EYS: variants seen among roughly 807,000 people sequenced by gnomAD.
The protein encoded by EYS is EGF-like photoreceptor maintenance factor, also known as protein eyes shut homolog.
In EYS, 250 loss-of-function variants were observed where a neutral mutation model predicts 282.1. That is an observed-to-expected ratio of 0.89 (90% confidence interval 0.80 to 0.98). The LOEUF (loss-of-function observed/expected upper bound fraction) is 0.98. EYS is among the 50% of genes least tolerant of loss of function. The probability of loss-of-function intolerance (pLI) is 0.00; values close to 1 mark genes in which losing one functional copy is unlikely to be tolerated. For synonymous variants in EYS, 1,355 were observed against 1,282.9 expected (o/e 1.06, Z -1.20); for missense variants, 4,016 against 3,709.0 (o/e 1.08, Z -2.15).
At chr6:64,985,152 G>A (rs1025830601) in intron 14 of EYS, among the ~76,000 whole-genome samples, 1 of 151,430 alleles carries the variant, frequency 6.6e-6, no homozygotes, top group Non-Finnish European at 1.5e-5. Context: ...TGTCATCCCT[G>A]AAAACAAAAG....
chr6:64,190,347 A>T lies in EYS; in HGVS notation c.6424+40245T>A, dbSNP rs117109382. ...TTTGAGCTTCAGAAAGGAAGTTCAG[A>T]TACTGTCTAACAGAAGTCACCACCA... is the stretch of plus-strand genomic sequence containing the variant. On this transcript the variant is annotated intron_variant, in intron 31 of 42. Transcript: ENST00000503581. Among the ~76,000 whole-genome samples, 166 of 152,334 alleles carry T rather than the reference A, an allele frequency of 1.1e-3. 5 individuals carry two copies. In the East Asian group the frequency reaches 0.028, roughly 26 times the overall value.
intron 26 of EYS, among the ~76,000 whole-genome samples, chr6:64,535,150 G>C (rs1764480301): frequency 6.6e-6 from 1 of 151,882 alleles, no homozygotes; most frequent in East Asian, 1.9e-4. Context: ...CCCTTTCTTT[G>C]CACTCTAAAC....
chr6:65,646,515 G>A (rs937466207), intron 1 of EYS, among the ~76,000 whole-genome samples: 1 of 151,996 alleles, frequency 6.6e-6, no homozygotes, highest in African/African-American at 2.4e-5. Flanking sequence ...GAATAGAAGG[G>A]ACATACCTTA....
At chr6:65,344,321 T>C in intron 9 of EYS, 144 bp from the exon 10 acceptor site, 1 of 688,406 alleles carries the variant, frequency 1.5e-6, no homozygotes, top group Non-Finnish European at 2.5e-6. Flanking sequence ...GCATATGATA[T>C]TGAATTTGAA....
At chr6:64,123,754 A>G (rs1773671135) in intron 31 of EYS, among the ~76,000 whole-genome samples, 1 of 152,234 alleles carries the variant, frequency 6.6e-6, no homozygotes, top group East Asian at 1.9e-4. Context: ...AGAAACAAAC[A>G]ACGAGATATA....
intron 30 of EYS, among the ~76,000 whole-genome samples, chr6:64,304,356 GC>G (rs1156967842): frequency 1.3e-5 from 2 of 152,132 alleles, no homozygotes; most frequent in Non-Finnish European, 2.9e-5. Context: ...GAATTAAATA[GC>G]CACTCTCAAT....
At chr6:65,468,451 T>C (rs1159545339) in intron 5 of EYS, among the ~76,000 whole-genome samples, 1 of 152,154 alleles carries the variant, frequency 6.6e-6, no homozygotes, top group Non-Finnish European at 1.5e-5. Context: ...TGCTTCAGGA[T>C]GGACTTACAA....
chr6:64,294,469 G>A (rs1582548695), intron 30 of EYS, among the ~76,000 whole-genome samples: 1 of 152,182 alleles, frequency 6.6e-6, no homozygotes, highest in Admixed American at 6.6e-5. Context: ...CAGAACCTCA[G>A]TGATATAATT....
chr6:65,541,500 CAAT>C (rs1475340303), intron 2 of EYS, among the ~76,000 whole-genome samples: 11 of 152,258 alleles, frequency 7.2e-5, no homozygotes, highest in African/African-American at 2.4e-4. Context: ...AAAATCACAA[CAAT>C]GTTATCCATT....
At chr6:65,540,989 T>G (rs1369046855) in intron 2 of EYS, among the ~76,000 whole-genome samples, 1 of 152,220 alleles carries the variant, frequency 6.6e-6, no homozygotes, top group Non-Finnish European at 1.5e-5. Context: ...TCACAATTTT[T>G]ATTTTTATTT....
At chr6:63,962,580 G>T (rs1259008977) in intron 35 of EYS, among the ~76,000 whole-genome samples, 1 of 152,164 alleles carries the variant, frequency 6.6e-6, no homozygotes, top group African/African-American at 2.4e-5. Flanking sequence ...ACACCAGTTG[G>T]AATGGTGATC....
intron 12 of EYS, among the ~76,000 whole-genome samples, chr6:65,207,338 A>T (rs960104084): frequency 1.3e-5 from 2 of 149,898 alleles, no homozygotes; most frequent in Non-Finnish European, 1.5e-5. Context: ...AGATCTCTAC[A>T]AGAAGAACTA....
rs138678159 is a variant in EYS, at chr6:64,629,363, G to A, written c.3444-3118C>T. Among the ~76,000 whole-genome samples the A allele has an allele frequency of 4.6e-3, 696 of 152,142 alleles. 6 individuals are homozygous for A. The highest frequency in any genetic ancestry group is 0.016 in the African/African-American group (665 of 41,522). ...TCATGCACACCTCTTTAAAGGAGAAGTGCCTATATAAATAATTTGAAATAA... is the reference window on the plus strand; with the variant it reads ...TCATGCACACCTCTTTAAAGGAGAAATGCCTATATAAATAATTTGAAATAA... On this transcript the variant is annotated intron_variant, in intron 22 of 42. Coordinates refer to ENST00000503581, the MANE Select transcript of EYS (RefSeq NM_001142800.2).
intron 19 of EYS, among the ~76,000 whole-genome samples, chr6:64,851,397 A>G (rs931319091): frequency 1.3e-5 from 2 of 152,098 alleles, no homozygotes; most frequent in African/African-American, 4.8e-5. Flanking sequence ...TCTAGAGTCA[A>G]AGATTCACAT....
chr6:64,103,570 G>T (rs975004388), intron 31 of EYS, among the ~76,000 whole-genome samples: 3 of 152,140 alleles, frequency 2.0e-5, no homozygotes, highest in Admixed American at 6.6e-5. Context: ...CACAGACTAT[G>T]CGAGATTAAT....
At chr6:65,645,399 A>T (rs183970513) in intron 1 of EYS, among the ~76,000 whole-genome samples, 1 of 152,304 alleles carries the variant, frequency 6.6e-6, no homozygotes, top group Non-Finnish European at 1.5e-5. Context: ...AACCATGCAA[A>T]TACATGGAAA....
intron 26 of EYS, among the ~76,000 whole-genome samples, chr6:64,573,067 A>C (rs1393745750): frequency 6.6e-6 from 1 of 152,176 alleles, no homozygotes; most frequent in Non-Finnish European, 1.5e-5. Flanking sequence ...GACTGGCACC[A>C]AAACAGACAT....
intron 31 of EYS, among the ~76,000 whole-genome samples, chr6:64,117,399 A>G (rs556614668): frequency 5.9e-5 from 9 of 151,652 alleles, no homozygotes; most frequent in African/African-American, 2.2e-4. Context: ...AACTAGATGA[A>G]CAACAAAAAG....
chr6:64,929,897 C>T (rs559291462), intron 15 of EYS, among the ~76,000 whole-genome samples: 1 of 152,236 alleles, frequency 6.6e-6, no homozygotes, highest in South Asian at 2.1e-4. Flanking sequence ...TACTTTTTAA[C>T]ACTGTGATTT....
Sources: gnomAD v4.1 joint callset for allele counts (sites outside exome capture counted in the v4.1 genomes callset) on GRCh38, gnomAD v4.1.1 for gene constraint, MANE v1.5 for transcripts, NCBI Gene and HGNC (gene_info 2026-07-23, HGNC 2026-07-21) for gene names.